Variants in POLQ observed in about 807,000 individuals in gnomAD.
POLQ encodes epididymis secretory sperm binding protein.
POLQ carries 233 observed loss-of-function variants against 259.2 expected under a neutral mutation model. The observed-to-expected ratio is 0.90, with a 90% CI of 0.81 to 1.00. POLQ has a LOEUF of 1.00. Among genes scored for constraint, POLQ ranks in the 50% least tolerant of loss-of-function variants. POLQ has a pLI of 0.00. For missense variants in POLQ, 2,871 were observed against 3,051.6 expected, an observed-to-expected ratio of 0.94 and a Z score of 1.39; for synonymous variants, 1,025 against 1,048.8, an observed-to-expected ratio of 0.98 and a Z score of 0.44.
In POLQ at chr3:121,498,665, T is replaced by C; in HGVS notation, c.1965A>G (p.Thr655=). ...ENDLHILYLV[T]PMFEDWTTID... Reference sequence around the variant, plus strand: ...TAGTAGTCCAATCCTCAAACATAGGTGTAACCTAAAAGGAAGAAGTATTAT... The same window carrying C: ...TAGTAGTCCAATCCTCAAACATAGGCGTAACCTAAAAGGAAGAAGTATTAT... Residue 655 remains threonine, a synonymous_variant, in exon 13 of 30, where the codon ACA becomes ACG. Coordinates refer to ENST00000264233, the MANE Select transcript of POLQ (RefSeq NM_199420.4). 1.2e-6 allele frequency: 2 copies of C among 1,606,236 alleles called. No homozygotes were observed. Among genetic ancestry groups the C allele is most frequent in the Non-Finnish European group, 1.7e-6 (2 of 1,173,642 alleles).
chr3:121,466,298 A>G (rs1299272459), intron 24 of POLQ, among the ~76,000 whole-genome samples: 1 of 150,468 alleles, frequency 6.6e-6, no homozygotes, highest in Non-Finnish European at 1.5e-5. Flanking sequence ...AAAAAAAAAA[A>G]CTGATTCATG....
intron 25 of POLQ, among the ~76,000 whole-genome samples, chr3:121,456,534 G>A (rs936507921): frequency 3.3e-5 from 5 of 152,188 alleles, no homozygotes; most frequent in Non-Finnish European, 5.9e-5. Context: ...CTTCAGCAAA[G>A]TCTCAGGATA....
chr3:121,477,944 G>C (rs536050204), intron 19 of POLQ, among the ~76,000 whole-genome samples: 58 of 152,278 alleles, frequency 3.8e-4, no homozygotes, highest in African/African-American at 1.3e-3. Context: ...TAGAAGCCTG[G>C]AACTAGTGGA....
intron 24 of POLQ, among the ~76,000 whole-genome samples, chr3:121,464,170 G>A (rs2047816501): frequency 6.6e-6 from 1 of 152,166 alleles, no homozygotes; most frequent in Non-Finnish European, 1.5e-5. Flanking sequence ...AGCGAAAAAT[G>A]TACTTCTGAC....
intron 24 of POLQ, among the ~76,000 whole-genome samples, chr3:121,463,395 A>G (rs1055832782): frequency 6.6e-6 from 1 of 152,174 alleles, no homozygotes; most frequent in Admixed American, 6.5e-5. Context: ...TCCTTCCTTT[A>G]TAAATCACCC....
chr3:121,502,442 G>T (rs979264245), intron 12 of POLQ, among the ~76,000 whole-genome samples: 2 of 152,160 alleles, frequency 1.3e-5, no homozygotes, highest in Admixed American at 1.3e-4. Flanking sequence ...GACCTCAAGT[G>T]GTCCACCCGC....
At position 121,487,807 on chromosome 3, in the gene POLQ, T is replaced by C; in HGVS notation, c.5124A>G (p.Leu1708=). ...NNEVKSKIEM[L]ENNANHDETS... ...TTTCATCATGATTGGCATTGTTTTC[T>C]AGCATCTCAATCTTGCTTTTTACTT... The change falls in exon 16 of 30, where the codon CTA becomes CTG. Residue 1708 remains leucine, a synonymous_variant. Coordinates refer to ENST00000264233, the MANE Select transcript of POLQ (RefSeq NM_199420.4). 6.2e-7 allele frequency: 1 copy of C among 1,610,310 alleles called. No homozygotes were observed. Among genetic ancestry groups the C allele is most frequent in the Non-Finnish European group, 8.5e-7 (1 of 1,178,710 alleles).
chr3:121,432,303 G>A lies in POLQ; in HGVS notation c.*1C>T. 1 of 1,593,874 alleles carries A rather than the reference G, an allele frequency of 6.3e-7. No homozygotes were observed. The highest frequency in any genetic ancestry group is 8.5e-7 in the Non-Finnish European group (1 of 1,171,922). On this transcript the variant is annotated 3_prime_UTR_variant, in exon 30 of 30. Transcript: ENST00000264233. ...CTGGGAGGACTTCATCAACAGCACA[G>A]TTACACATCAAAGTCCTTTAGCTCT...
intron 16 of POLQ, among the ~76,000 whole-genome samples, chr3:121,485,945 T>A (rs1218803657): frequency 6.6e-6 from 1 of 152,204 alleles, no homozygotes; most frequent in Non-Finnish European, 1.5e-5. Flanking sequence ...ATAAATCTAA[T>A]CAAACACCTG....
At position 121,493,547 on chromosome 3, in the gene POLQ, A is replaced by G. The variant is rs1174134784; in HGVS notation, c.2453T>C (p.Val818Ala). Residue 818 changes from valine to alanine, a missense_variant, in exon 15 of 30, where the codon GTG becomes GCG. Physicochemically the swap from Val to Ala is moderately conservative, Grantham distance 64 (BLOSUM62 0). Around this residue, in one of 3 missense-constraint regions of POLQ, gnomAD observed 2,080 missense variants for 2,126.0 expected, o/e 0.98. Coordinates refer to ENST00000264233, the MANE Select transcript of POLQ (RefSeq NM_199420.4). ...AATATTTGCTCTAGCAAGGTCTGCCACAGTATGAAAGCCAGAAGCATAGAG... is the reference window on the plus strand; with the variant it reads ...AATATTTGCTCTAGCAAGGTCTGCCGCAGTATGAAAGCCAGAAGCATAGAG... ...RVLYASGFHT[V>A]ADLARANIVE... 2 of 1,613,754 alleles carry G rather than the reference A, an allele frequency of 1.2e-6. No individual in the cohort carries two copies. The highest frequency in any genetic ancestry group is 1.7e-6 in the Non-Finnish European group (2 of 1,179,784).
rs1271263673 is a variant in POLQ at position 121,432,983 on chromosome 3, C to T, written c.7594G>A (p.Gly2532Ser). ...LQGMFCPIRG[G>S]FFILQLHDEL... ...TCATGGAGTTGAAGGATGAAGAAGC[C>T]TCCTCTGATTGGGCAGAACATCCCT... Residue 2532 changes from glycine (G) to serine (S), a missense_variant, in exon 29 of 30, where the codon GGC (glycine) becomes AGC (serine). Physicochemically the swap from Gly to Ser is moderately conservative, Grantham distance 56. Around this residue, in one of 3 missense-constraint regions of POLQ, gnomAD observed 2,080 missense variants for 2,126.0 expected, o/e 0.98. Transcript: ENST00000264233. 1 of 1,613,056 alleles carries T rather than the reference C, an allele frequency of 6.2e-7. No individual in the cohort carries two copies. The highest frequency in any genetic ancestry group is 8.5e-7 in the Non-Finnish European group (1 of 1,179,080).
At chr3:121,433,862 C>T (rs1301265191) in intron 28 of POLQ, among the ~76,000 whole-genome samples, 4 of 152,170 alleles carry the variant, frequency 2.6e-5, no homozygotes, top group African/African-American at 9.7e-5. Flanking sequence ...GCATGAGTAA[C>T]ATCTCCCTCA....
In POLQ at chr3:121,452,680, G is replaced by A. The variant is rs192455056; in HGVS notation, c.7153-3254C>T. ...GGATAAGTGTGTTGGATAGGAAGTCGGGTGCCCAATGCCCGCCATTGCCCA... is the reference window on the plus strand; with the variant it reads ...GGATAAGTGTGTTGGATAGGAAGTCAGGTGCCCAATGCCCGCCATTGCCCA... On this transcript the variant is annotated intron_variant, in intron 25 of 29. Coordinates refer to ENST00000264233, the MANE Select transcript of POLQ (RefSeq NM_199420.4). 7.2e-5 allele frequency among the ~76,000 whole-genome samples: 11 copies of A among 152,098 alleles called. No individual in the cohort carries two copies. In the East Asian group the frequency reaches 1.9e-3, roughly 27 times the overall value.
At position 121,496,894 on chromosome 3, in the gene POLQ, T is replaced by G. The variant is rs138010423; in HGVS notation, c.2192A>C (p.Glu731Ala). The G allele has an allele frequency of 1.0e-4, 161 of 1,612,380 alleles. No individual in the cohort carries two copies. Among genetic ancestry groups the G allele is most frequent in the Non-Finnish European group, 1.3e-4 (153 of 1,179,118 alleles). The change falls in exon 14 of 30, where the codon GAA becomes GCA. Residue 731 changes from glutamate to alanine, a missense_variant. By Grantham distance (107) the Glu-to-Ala change is moderately radical. Transcript: ENST00000264233. ...TSLVLLDLIS[E>A]VPLREINQKY... The stretch of plus-strand genomic sequence containing the variant: ...CTGATTTATTTCCCTTAAGGGAACT[T>G]CACTGATTAAATCTAATAGCACAAG...
At chr3:121,508,107 G>A (rs948330800) in intron 12 of POLQ, among the ~76,000 whole-genome samples, 7 of 143,612 alleles carry the variant, frequency 4.9e-5, no homozygotes, top group African/African-American at 1.8e-4. Context: ...TGATCCTTCT[G>A]CCTCAGCCTA....
chr3:121,515,244 C>T lies in POLQ; in HGVS notation c.1469-3215G>A, dbSNP rs1022325767. Among the ~76,000 whole-genome samples the T allele has an allele frequency of 2.6e-5, 4 of 152,098 alleles. 1 individual carries two copies. Among genetic ancestry groups the T allele is most frequent in the Admixed American group, 2.6e-4 (4 of 15,270 alleles). ...GTGGCATGATCATAACTCACTGAAG[C>T]CTGAAACTCCTGGGCTCAAGCGATC... On this transcript the variant is annotated intron_variant, in intron 9 of 29. Coordinates refer to ENST00000264233, the MANE Select transcript of POLQ (RefSeq NM_199420.4).
chr3:121,432,390 C>A lies in POLQ; in HGVS notation c.7687G>T (p.Glu2563Ter), dbSNP rs1191492518. Reference protein sequence around the residue: ...QVAQIVKNEMESAVKLSVKLK... With the variant: ...QVAQIVKNEM ...TTCACAGACAGTTTTACAGCACTTT[C>A]CATTTCATTCTTGACAATCTGAGCT... The change falls in exon 30 of 30, where the codon GAA becomes TAA. Residue 2563 changes from glutamate (E) to a stop codon, truncating the protein, a stop_gained. Transcript: ENST00000264233. LOFTEE classifies it high-confidence loss of function. The A allele has an allele frequency of 6.2e-7, 1 of 1,608,472 alleles. No homozygotes were observed. The highest frequency in any genetic ancestry group is 8.5e-7 in the Non-Finnish European group (1 of 1,177,586).
chr3:121,437,077 G>A (rs988199748), intron 27 of POLQ, among the ~76,000 whole-genome samples: 1 of 152,074 alleles, frequency 6.6e-6, no homozygotes, highest in South Asian at 2.1e-4. Context: ...TCTGTCATCT[G>A]AGCTATACCC....
intron 4 of POLQ, among the ~76,000 whole-genome samples, chr3:121,537,449 C>G (rs1197087694): frequency 6.6e-6 from 1 of 152,118 alleles, no homozygotes; most frequent in South Asian, 2.1e-4. Flanking sequence ...GTTTTTCAAC[C>G]CTTGTTCCCT....
Sources: gnomAD v4.1 joint callset for allele counts (sites outside exome capture counted in the v4.1 genomes callset) on GRCh38, gnomAD v4.1.1 for gene constraint, gnomAD v4.1.1 regional missense constraint, MANE v1.5 for transcripts, NCBI Gene and HGNC (gene_info 2026-07-23, HGNC 2026-07-21) for gene names.